RALGPS2: variants seen among roughly 807,000 people sequenced by gnomAD.
The protein encoded by RALGPS2 is ras-specific guanine nucleotide-releasing factor RalGPS2.
Under a neutral mutation model 86.8 loss-of-function variants are expected in RALGPS2, and 43 were observed. The observed-to-expected ratio is 0.50, with a 90% confidence interval of 0.39 to 0.64. The LOEUF is 0.64. Ranked by LOEUF, RALGPS2 falls within the 30% of genes least tolerant of loss-of-function variation. RALGPS2 has a pLI of 0.00. For missense variants in RALGPS2, 536 were observed against 694.6 expected, an observed-to-expected ratio of 0.77 and a Z score of 2.57; for synonymous variants, 243 against 231.3, an observed-to-expected ratio of 1.05 and a Z score of -0.46.
chr1:178,818,767 G>T (rs1293081489), intron 6 of RALGPS2, among the ~76,000 whole-genome samples: 1 of 152,158 alleles, frequency 6.6e-6, no homozygotes, highest in Non-Finnish European at 1.5e-5. Context: ...TATGCCCTCA[G>T]GGAGGAAAAA....
intron 8 of RALGPS2, among the ~76,000 whole-genome samples, chr1:178,857,595 A>G (rs895978891): frequency 3.9e-5 from 6 of 152,212 alleles, no homozygotes; most frequent in African/African-American, 1.4e-4. Flanking sequence ...ATTATAGTTA[A>G]TGCACACATG....
chr1:178,819,714 A>T (rs1183574483), intron 6 of RALGPS2, among the ~76,000 whole-genome samples: 1 of 152,084 alleles, frequency 6.6e-6, no homozygotes, highest in Non-Finnish European at 1.5e-5. Flanking sequence ...CAATATTTTT[A>T]ATTATTTTCA....
At chr1:178,795,212 C>T (rs1558123100) in intron 4 of RALGPS2, among the ~76,000 whole-genome samples, 1 of 151,244 alleles carries the variant, frequency 6.6e-6, no homozygotes, top group East Asian at 1.9e-4. Flanking sequence ...AAGTTTTATA[C>T]TCTATTTATC....
At chr1:178,914,455 T>G (rs1269619339) in intron 19 of RALGPS2, among the ~76,000 whole-genome samples, 1 of 152,050 alleles carries the variant, frequency 6.6e-6, no homozygotes, top group African/African-American at 2.4e-5. Context: ...GTCCCAGCAC[T>G]CCACAGCCCT....
In RALGPS2 at chr1:178,865,326, G is replaced by A. The variant is rs1658325957; in HGVS notation, c.608-12172G>A. On this transcript the variant is annotated intron_variant, in intron 8 of 19. Transcript: ENST00000367635. ...AGGATTTTGTTTTCCAGTTGGGAAA[G>A]TTCAAGTGAATTATCCCTCTTACGG... 1 of 1,614,050 alleles carries A rather than the reference G, an allele frequency of 6.2e-7. No homozygotes were observed. Among genetic ancestry groups the A allele is most frequent in the Non-Finnish European group, 8.5e-7 (1 of 1,179,976 alleles).
At chr1:178,759,323 A>G (rs1183063366) in intron 1 of RALGPS2, among the ~76,000 whole-genome samples, 3 of 152,106 alleles carry the variant, frequency 2.0e-5, no homozygotes, top group African/African-American at 7.2e-5. Context: ...TTTATTGAAG[A>G]GACTGTCCTT....
At chr1:178,793,216 C>CT (rs1366950786) in intron 4 of RALGPS2, among the ~76,000 whole-genome samples, 5 of 152,084 alleles carry the variant, frequency 3.3e-5, no homozygotes, top group Non-Finnish European at 5.9e-5. Context: ...CTAATACAAT[C>CT]TGTTTCTTGT....
chr1:178,915,087 A>G (rs987356321), intron 19 of RALGPS2, among the ~76,000 whole-genome samples: 2 of 152,218 alleles, frequency 1.3e-5, no homozygotes, highest in East Asian at 1.9e-4. Flanking sequence ...ATTTGTTTCT[A>G]TACTTGCAAG....
intron 1 of RALGPS2, among the ~76,000 whole-genome samples, chr1:178,750,730 G>T (rs1174422769): frequency 6.6e-6 from 1 of 152,124 alleles, no homozygotes; most frequent in African/African-American, 2.4e-5. Flanking sequence ...TGCTCCTTCT[G>T]CATTTAAGGT....
At chr1:178,763,452 A>G (rs75829850) in intron 1 of RALGPS2, among the ~76,000 whole-genome samples, 2 of 152,348 alleles carry the variant, frequency 1.3e-5, no homozygotes, top group East Asian at 1.9e-4. Flanking sequence ...CCATTGGCCA[A>G]ACAATATTGA....
chr1:178,738,333 C>T (rs1650838421), intron 1 of RALGPS2, among the ~76,000 whole-genome samples: 1 of 151,674 alleles, frequency 6.6e-6, no homozygotes, highest in Non-Finnish European at 1.5e-5. Flanking sequence ...CTCAGCCTCC[C>T]AAATAGCTGG....
Position 178,865,734 on chromosome 1 carries a change from G to C in RALGPS2, c.608-11764G>C, listed in dbSNP as rs147201688. 22 of 1,612,714 alleles carry C rather than the reference G, an allele frequency of 1.4e-5. No individual in the cohort carries two copies. The African/African-American group carries it at 2.5e-4, about 19-fold the overall frequency. On this transcript the variant is annotated intron_variant, in intron 8 of 19. Transcript: ENST00000367635. ...CCTCTGCAATGTCCAGTGTCCACTA[G>C]TAGGAAGAATAGCACACCTAGGGTC... is the stretch of plus-strand genomic sequence containing the variant.
intron 18 of RALGPS2, among the ~76,000 whole-genome samples, chr1:178,904,116 T>C (rs1490249998): frequency 6.6e-6 from 1 of 152,312 alleles, no homozygotes; most frequent in African/African-American, 2.4e-5. Flanking sequence ...ATATGGAGCA[T>C]TTTTTCATTT....
intron 9 of RALGPS2, among the ~76,000 whole-genome samples, chr1:178,878,026 G>A (rs1280625240): frequency 6.6e-6 from 1 of 151,848 alleles, no homozygotes; most frequent in African/African-American, 2.4e-5. Flanking sequence ...TATCTCATTT[G>A]ATCTCCCTGA....
At chr1:178,770,673 C>T (rs1652758394) in intron 1 of RALGPS2, among the ~76,000 whole-genome samples, 1 of 150,924 alleles carries the variant, frequency 6.6e-6, no homozygotes, top group Admixed American at 6.6e-5. Flanking sequence ...GACAGGGTTT[C>T]ACCATGTTGG....
chr1:178,782,785 A>G (rs1653457791), intron 2 of RALGPS2, among the ~76,000 whole-genome samples: 1 of 152,168 alleles, frequency 6.6e-6, no homozygotes, highest in Admixed American at 6.5e-5. Context: ...AAGACAACAG[A>G]GGATAAAAAA....
At chr1:178,902,262 A>ATATG (rs754993062) in intron 18 of RALGPS2, 51 bp downstream of exon 18, 13 of 1,361,838 alleles carry the variant, frequency 9.5e-6, no homozygotes, top group Admixed American at 8.4e-5. Context: ...GTGTTTGTGT[A>ATATG]TATGTATGTA....
chr1:178,817,158 G>T (rs1374057531), intron 6 of RALGPS2, among the ~76,000 whole-genome samples: 1 of 151,388 alleles, frequency 6.6e-6, no homozygotes, highest in Admixed American at 6.6e-5. Context: ...TCAGGAGTTT[G>T]AGACCAGCCT....
chr1:178,883,469 T>A lies in RALGPS2; in HGVS notation c.840T>A (p.Leu280=), dbSNP rs961197873. The A allele has an allele frequency of 6.2e-7, 1 of 1,610,096 alleles. No individual in the cohort carries two copies. Among genetic ancestry groups the A allele is most frequent in the Non-Finnish European group, 8.5e-7 (1 of 1,176,384 alleles). ...ATTTTGTCTTTTTAAAATTCAGGCT[T>A]TCATTAAAGATAGAACCAGGGACAA... is the stretch of plus-strand genomic sequence containing the variant. ...QKFVEDDNYK[L]SLKIEPGTST... is the part of the protein sequence containing the mutation. The change falls in exon 11 of 20, where the codon CTT becomes CTA. Residue 280 remains leucine, a synonymous_variant. Coordinates refer to ENST00000367635, the MANE Select transcript of RALGPS2 (RefSeq NM_152663.5).
Sources: allele counts gnomAD v4.1 joint callset (sites outside exome capture counted in the v4.1 genomes callset), GRCh38; gene constraint gnomAD v4.1.1; transcripts MANE v1.5; gene names NCBI Gene and HGNC (gene_info 2026-07-23, HGNC 2026-07-21).